Variants in TRIM39 observed in about 807,000 individuals in gnomAD.
TRIM39 encodes the protein tripartite motif containing 39.
Under a neutral mutation model 53.6 loss-of-function variants are expected in TRIM39, and 5 were observed. That is an observed-to-expected ratio of 0.09 (90% CI 0.05 to 0.20). The LOEUF (loss-of-function observed/expected upper bound fraction) is 0.20, where lower values mean the gene tolerates loss of function less well. Ranked by LOEUF, TRIM39 falls within the 10% of genes least tolerant of loss-of-function variation. The pLI is 1.00. For synonymous variants in TRIM39, 196 were observed against 237.6 expected (o/e 0.82, Z 1.61); for missense variants, 310 against 621.0 (o/e 0.50, Z 5.32).
intron 4 of TRIM39, among the ~76,000 whole-genome samples, chr6:30,331,803 T>C (rs78683636): frequency 0.013 from 2,047 of 152,334 alleles, 44 homozygotes; most frequent in African/African-American, 0.045. Context: ...TTTGCACCTC[T>C]TTTATAGCAT....
Position 30,335,753 on chromosome 6 carries a change from G to A in TRIM39, c.558G>A (p.Val186=), listed in dbSNP as rs1167849482. The change falls in exon 5 of 8, where the codon GTG becomes GTA. Residue 186 remains valine, a synonymous_variant. Transcript: ENST00000396551. The surrounding 1 kb of genome is among the most constrained non-coding windows in gnomAD (Gnocchi z 4.7). ...CTTCCCTCTCTTCTCAGAGACTAGT[G>A]GAAAGTCGCCGACAGCAGATCTTGA... 6.2e-7 allele frequency: 1 copy of A among 1,612,846 alleles called. No individual in the cohort carries two copies. The highest frequency in any genetic ancestry group is 1.3e-5 in the African/African-American group (1 of 75,026).
chr6:30,341,768 C>T (rs1179466931), exon 8 of TRIM39: 3 of 1,612,838 alleles, frequency 1.9e-6, no homozygotes, highest in African/African-American at 1.3e-5. Context: ...GTCAGAGGAT[C>T]GTAAGAGCGT....
intron 4 of TRIM39, among the ~76,000 whole-genome samples, chr6:30,333,592 A>T (rs1262765282): frequency 6.6e-6 from 1 of 151,424 alleles, no homozygotes; most frequent in African/African-American, 2.4e-5. Context: ...CGATCTCCTG[A>T]CCTTGTGATC....
intron 4 of TRIM39, among the ~76,000 whole-genome samples, chr6:30,333,353 G>GTTTTTTTT (rs9278647): frequency 1.9e-5 from 2 of 106,086 alleles, no homozygotes; most frequent in Non-Finnish European, 3.8e-5. Context: ...TGTTTTTGTG[G>GTTTTTTTT]TTTTTTTTTT....
exon 7 of TRIM39, chr6:30,340,612 A>T (rs1329703711): frequency 6.2e-7 from 1 of 1,610,912 alleles, no homozygotes; most frequent in African/African-American, 1.3e-5. Flanking sequence ...ATCCTTAAAC[A>T]GCTAATTGGT....
At chr6:30,336,462 G>T (rs1200784181) in intron 5 of TRIM39, among the ~76,000 whole-genome samples, 1 of 152,184 alleles carries the variant, frequency 6.6e-6, no homozygotes, top group Non-Finnish European at 1.5e-5. Flanking sequence ...GGGTTTCCTA[G>T]TGGAATCATA....
At position 30,335,695 on chromosome 6, in the gene TRIM39, C is replaced by T; in HGVS notation, c.550-50C>T. 1 of 1,584,862 alleles carries T rather than the reference C, an allele frequency of 6.3e-7. No homozygotes were observed. Among genetic ancestry groups the T allele is most frequent in the Non-Finnish European group, 8.6e-7 (1 of 1,166,212 alleles). On this transcript the variant is annotated intron_variant, in intron 4 of 7. Transcript: ENST00000396551. The surrounding 1 kb of genome is among the most constrained non-coding windows in gnomAD (Gnocchi z 4.7). ...CATATGGTGGGTGAGAGAAAGGCTT[C>T]CTTATACCACACTGACCCTGCTGAT...
chr6:30,328,148 C>T (rs1430251525), intron 1 of TRIM39, among the ~76,000 whole-genome samples: 2 of 152,238 alleles, frequency 1.3e-5, no homozygotes, highest in Admixed American at 1.3e-4. Flanking sequence ...AGGGAGATCT[C>T]ATTGCCTCTT....
chr6:30,337,842 G>A (rs1440595818), intron 5 of TRIM39, among the ~76,000 whole-genome samples: 2 of 152,230 alleles, frequency 1.3e-5, no homozygotes, highest in African/African-American at 4.8e-5. Flanking sequence ...AAGGCTGTTT[G>A]TTGACATTGA....
At chr6:30,341,801 C>T in exon 8 of TRIM39, 3 of 1,612,976 alleles carry the variant, frequency 1.9e-6, no homozygotes, top group Non-Finnish European at 2.5e-6. Flanking sequence ...GACAAGACTC[C>T]GGGATCTCCC....
At chr6:30,332,300 G>C (rs1786278744) in intron 4 of TRIM39, among the ~76,000 whole-genome samples, 1 of 152,202 alleles carries the variant, frequency 6.6e-6, no homozygotes, top group African/African-American at 2.4e-5. Context: ...TGAGCTTAAA[G>C]TTAAGTGGAG....
At chr6:30,332,610 TG>T (rs1786318496) in intron 4 of TRIM39, among the ~76,000 whole-genome samples, 1 of 152,262 alleles carries the variant, frequency 6.6e-6, no homozygotes, top group African/African-American at 2.4e-5. Flanking sequence ...TAAAGTTTTT[TG>T]TTCTTTTAGA....
intron 1 of TRIM39, among the ~76,000 whole-genome samples, chr6:30,328,124 T>G (rs1426997365): frequency 3.9e-5 from 6 of 152,274 alleles, no homozygotes; most frequent in Admixed American, 2.6e-4. Context: ...CCAATTCTTC[T>G]GAGGCTGCGC....
chr6:30,329,790 A>G lies in TRIM39; in HGVS notation c.453+20A>G, dbSNP rs768035668. 1 of 1,603,186 alleles carries G rather than the reference A, an allele frequency of 6.2e-7. No homozygotes were observed. The highest frequency in any genetic ancestry group is 1.1e-5 in the South Asian group (1 of 90,570). ...TACAAGGTGGGGAAGCAGACACACG[A>G]TGTCAGTGTGGGTAAAAAGGGAGAA... is the stretch of plus-strand genomic sequence containing the variant. On this transcript the variant is annotated intron_variant, in intron 3 of 7. Transcript: ENST00000396551.
intron 4 of TRIM39, among the ~76,000 whole-genome samples, chr6:30,333,497 A>G (rs1471527623): frequency 6.6e-6 from 1 of 151,312 alleles, no homozygotes; most frequent in Non-Finnish European, 1.5e-5. Context: ...ACCTGGGACT[A>G]CAGGCGCCCA....
intron 4 of TRIM39, 80 bp downstream of exon 4, chr6:30,330,956 C>A: frequency 6.7e-7 from 1 of 1,488,056 alleles, no homozygotes; most frequent in Non-Finnish European, 9.2e-7. Context: ...ATTTAATCCA[C>A]CAGTTCCGGT....
At chr6:30,340,029 T>A in intron 6 of TRIM39, 99 bp downstream of exon 6, 1 of 1,575,214 alleles carries the variant, frequency 6.3e-7, no homozygotes, top group Non-Finnish European at 8.7e-7. Context: ...GGGAAAGTCA[T>A]GTAGTGTGTC....
rs568189926 is a variant in TRIM39, at chr6:30,338,794, AT to A, written c.781-1113del. Among the ~76,000 whole-genome samples, 25 of 152,146 alleles carry A rather than the reference AT, an allele frequency of 1.6e-4. No individual in the cohort carries two copies. The highest frequency in any genetic ancestry group is 3.5e-4 in the Non-Finnish European group (24 of 68,032). ...AAAGCGAGGTGCAATAAAATGAGGT[AT>A]GCCTGAAATTGTTTAAATAATATAT... is the stretch of plus-strand genomic sequence containing the variant. On this transcript the variant is annotated intron_variant, in intron 5 of 7. Transcript: ENST00000396551. The surrounding 1 kb of genome is among the most constrained non-coding windows in gnomAD (Gnocchi z 4.0).
In TRIM39 at chr6:30,342,686, CAG is replaced by C; in HGVS notation, c.*428_*429del. 4.3e-6 allele frequency: 1 copy of C among 233,886 alleles called. No homozygotes were observed. Among genetic ancestry groups the C allele is most frequent in the South Asian group, 7.8e-5 (1 of 12,844 alleles). 14.5% of individuals were successfully genotyped at this position (233,886 alleles called of 1,614,324 possible). A position where few individuals can be genotyped will look rare whatever the true frequency, so the allele number is the denominator to read the frequency against. ...TAGTCTTGCTTCTTGAGGTAGATCA[CAG>C]GGGTCTGTGTACCTCTGAATTCATG... On this transcript the variant is annotated 3_prime_UTR_variant, in exon 8 of 8. Transcript: ENST00000396551. This position sits in a 1 kb window ranked among gnomAD's most constrained non-coding sequence, Gnocchi z 4.7.
Sources: allele counts gnomAD v4.1 joint callset (sites outside exome capture counted in the v4.1 genomes callset), GRCh38; gene constraint gnomAD v4.1.1; non-coding constraint Gnocchi (gnomAD v3.1); transcripts MANE v1.5; gene names NCBI Gene and HGNC (gene_info 2026-07-23, HGNC 2026-07-21).